CCNY: variants seen among roughly 807,000 people sequenced by gnomAD.
CCNY encodes the protein cyclin Y, also known as cyclin-Y.
A neutral mutation model predicts 42.8 loss-of-function variants in CCNY; 19 were observed. The observed-to-expected ratio is 0.44, with a 90% CI of 0.31 to 0.65. The LOEUF is 0.65. Among genes scored for constraint, CCNY ranks in the 30% least tolerant of loss-of-function variants. The pLI is 0.07. For missense variants in CCNY, 370 were observed against 437.3 expected (o/e 0.85, Z 1.37); for synonymous variants, 165 against 162.7 (o/e 1.01, Z -0.11).
intron 2 of CCNY, among the ~76,000 whole-genome samples, chr10:35,489,390 T>C (rs1369328772): frequency 1.3e-5 from 2 of 152,192 alleles, no homozygotes; most frequent in African/African-American, 4.8e-5. Context: ...AAGCTCTGCC[T>C]CCTGGGTTCA....
chr10:35,455,528 T>G (rs1839008209), intron 1 of CCNY: 1 of 152,290 alleles, frequency 6.6e-6, no homozygotes, highest in Admixed American at 6.5e-5. Context: ...CCTTGGGACC[T>G]GGGGCAAGTG....
At chr10:35,479,914 G>T (rs2135361670) in intron 1 of CCNY, among the ~76,000 whole-genome samples, 1 of 152,146 alleles carries the variant, frequency 6.6e-6, no homozygotes, top group South Asian at 2.1e-4. Flanking sequence ...TGCAGTGTTT[G>T]TCATGCTTGG....
chr10:35,536,349 ATG>A (rs1336469542), intron 7 of CCNY, among the ~76,000 whole-genome samples: 3 of 152,116 alleles, frequency 2.0e-5, no homozygotes, highest in African/African-American at 7.2e-5. Context: ...AGTCTCGGGT[ATG>A]TCTTTATCAT....
intron 3 of CCNY, among the ~76,000 whole-genome samples, chr10:35,304,676 T>C (rs1835585393): frequency 6.6e-6 from 1 of 152,240 alleles, no homozygotes; most frequent in Non-Finnish European, 1.5e-5. Flanking sequence ...CACAGTACTA[T>C]TGGCATGTGG....
intron 1 of CCNY, among the ~76,000 whole-genome samples, chr10:35,350,545 A>T (rs1836407396): frequency 6.6e-6 from 1 of 151,962 alleles, no homozygotes; most frequent in Non-Finnish European, 1.5e-5. Flanking sequence ...ATCTTTGTGG[A>T]CTGTTTGAAA....
At chr10:35,524,187 A>G (rs1840603955) in intron 4 of CCNY, among the ~76,000 whole-genome samples, 1 of 152,208 alleles carries the variant, frequency 6.6e-6, no homozygotes, top group Admixed American at 6.5e-5. Flanking sequence ...AGAATCAATA[A>G]CATCTATTTT....
intron 1 of CCNY, among the ~76,000 whole-genome samples, chr10:35,414,855 G>A (rs1837991524): frequency 6.6e-6 from 1 of 152,176 alleles, no homozygotes; most frequent in Admixed American, 6.5e-5. Context: ...TGGAAGCGGG[G>A]TACATCACAA....
At chr10:35,419,923 ATTT>A (rs1218102375) in intron 1 of CCNY, among the ~76,000 whole-genome samples, 29 of 135,586 alleles carry the variant, frequency 2.1e-4, no homozygotes, top group African/African-American at 4.0e-4. Flanking sequence ...TATGGCTGTA[ATTT>A]TTTTTTTTTT....
rs942377005 is a variant in CCNY at position 35,571,963 on chromosome 10, A to T, written c.*2793A>T. The T allele has an allele frequency of 4.7e-5, 7 of 147,984 alleles. No homozygotes were observed. Among genetic ancestry groups the T allele is most frequent in the East Asian group, 2.0e-4 (1 of 5,096 alleles). The allele number at this position is 147,984 out of a possible 1,614,324, so 9.2% of individuals were successfully genotyped here. On this transcript the variant is annotated 3_prime_UTR_variant, in exon 10 of 10. Transcript: ENST00000374704. ...CTTTTTGATTTGTTTTACTTTTCTT[A>T]TTTTTTTTTTTTTAACTAGAAAAAG...
chr10:35,539,721 A>T (rs1840960106), intron 7 of CCNY, among the ~76,000 whole-genome samples: 1 of 152,206 alleles, frequency 6.6e-6, no homozygotes, highest in Non-Finnish European at 1.5e-5. Flanking sequence ...CGGGAGGCAG[A>T]GGTTGCAGTG....
intron 1 of CCNY, among the ~76,000 whole-genome samples, chr10:35,344,031 C>T (rs1055879000): frequency 6.6e-6 from 1 of 152,208 alleles, no homozygotes; most frequent in Non-Finnish European, 1.5e-5. Flanking sequence ...GTATTATTTC[C>T]AGTTTATAGC....
intron 7 of CCNY, among the ~76,000 whole-genome samples, chr10:35,540,898 A>G (rs905660906): frequency 6.6e-6 from 1 of 151,308 alleles, no homozygotes; most frequent in East Asian, 1.9e-4. Flanking sequence ...TATTTGAGCC[A>G]TCTCTCTTTT....
rs112598466 is a variant in CCNY, at chr10:35,384,685, CAT to C, written c.154+47479_154+47480del. On this transcript the variant is annotated intron_variant, in intron 1 of 9. Coordinates refer to ENST00000374704, the MANE Select transcript of CCNY (RefSeq NM_145012.6). ...GTGAGTCCATCTGGGTCTATACACT[CAT>C]GTGTGGAGATGACTCCAGGCCAGTC... Among the ~76,000 whole-genome samples the C allele has an allele frequency of 3.6e-3, 549 of 152,244 alleles. 4 individuals are homozygous for C. The highest frequency in any genetic ancestry group is 0.012 in the African/African-American group (483 of 41,550).
At chr10:35,279,511 CAGAGGGT>C (rs1835276034) in intron 3 of CCNY, among the ~76,000 whole-genome samples, 1 of 152,122 alleles carries the variant, frequency 6.6e-6, no homozygotes, top group Admixed American at 6.6e-5. Context: ...GAACAGTGTG[CAGAGGGT>C]CAGATATCAG....
intron 1 of CCNY, among the ~76,000 whole-genome samples, chr10:35,346,466 G>C (rs1272725830): frequency 6.6e-6 from 1 of 152,224 alleles, no homozygotes; most frequent in East Asian, 1.9e-4. Flanking sequence ...GATTTTGCCT[G>C]TAAAGTCTCT....
chr10:35,569,676 G>A lies in CCNY; in HGVS notation c.*506G>A, dbSNP rs1259865343. ...TTGATTTTGGTCCCACAGAGCAGGG[G>A]ATGTAGTTTGTACCCACCATGGCGC... On this transcript the variant is annotated 3_prime_UTR_variant, in exon 10 of 10. Transcript: ENST00000374704. 5.8e-6 allele frequency: 1 copy of A among 173,826 alleles called. No individual in the cohort carries two copies. Among genetic ancestry groups the A allele is most frequent in the African/African-American group, 2.4e-5 (1 of 42,036 alleles). 10.8% of individuals were successfully genotyped at this position (173,826 alleles called of 1,614,324 possible).
intron 1 of CCNY, among the ~76,000 whole-genome samples, chr10:35,425,907 A>G (rs568627077): frequency 2.4e-4 from 37 of 152,128 alleles, no homozygotes; most frequent in South Asian, 4.2e-4. Context: ...TCTGACCCCA[A>G]TTCTCTTCTA....
At chr10:35,411,405 TG>T (rs1199905916) in intron 1 of CCNY, among the ~76,000 whole-genome samples, 1 of 146,454 alleles carries the variant, frequency 6.8e-6, no homozygotes, top group Non-Finnish European at 1.5e-5. Flanking sequence ...CTCGGCTACT[TG>T]GGGATTCTCC....
intron 1 of CCNY, among the ~76,000 whole-genome samples, chr10:35,379,744 T>G (rs1277998308): frequency 2.0e-5 from 3 of 152,362 alleles, no homozygotes; most frequent in South Asian, 2.1e-4. Flanking sequence ...GATGTTGCTT[T>G]CTTTTACTGA....
Sources: gnomAD v4.1 joint callset for allele counts (sites outside exome capture counted in the v4.1 genomes callset) on GRCh38, gnomAD v4.1.1 for gene constraint, MANE v1.5 for transcripts, NCBI Gene and HGNC (gene_info 2026-07-23, HGNC 2026-07-21) for gene names.